RANBP2: variants seen among roughly 807,000 people sequenced by gnomAD.
RANBP2 encodes the protein RAN binding protein 2.
Under a neutral mutation model 303.6 loss-of-function variants are expected in RANBP2, and 57 were observed. That is an observed-to-expected ratio of 0.19 (90% CI 0.15 to 0.23). The LOEUF (loss-of-function observed/expected upper bound fraction) is 0.23, where lower values mean the gene tolerates loss of function less well. Among genes scored for constraint, RANBP2 ranks in the 10% least tolerant of loss-of-function variants. The pLI is 1.00. For synonymous variants in RANBP2, 1,167 were observed against 1,301.5 expected (o/e 0.90, Z 2.23); for missense variants, 3,138 against 3,780.8 (o/e 0.83, Z 4.46).
chr2:109,450,311 A>G, the RANBP2 span, among the ~76,000 whole-genome samples: 1 of 151,844 alleles, frequency 6.6e-6, no homozygotes, highest in Non-Finnish European at 1.5e-5. Context: ...GTGCCACTGC[A>G]CTCCAGCCTG....
At chr2:109,448,383 C>T in the RANBP2 span, among the ~76,000 whole-genome samples, 1 of 152,234 alleles carries the variant, frequency 6.6e-6, no homozygotes, top group Admixed American at 6.5e-5. Context: ...CTGTTAGGAA[C>T]TGGGCTGCAC....
the RANBP2 span, among the ~76,000 whole-genome samples, chr2:109,635,459 A>G: frequency 6.6e-6 from 1 of 152,236 alleles, no homozygotes; most frequent in Admixed American, 6.5e-5. Flanking sequence ...CTGGGATTAC[A>G]GATGTGAGCC....
chr2:109,696,153 T>C, the RANBP2 span, among the ~76,000 whole-genome samples: 2 of 151,920 alleles, frequency 1.3e-5, no homozygotes, highest in Non-Finnish European at 2.9e-5. Flanking sequence ...TTAGTAGAGA[T>C]GGGGTTTCAC....
At chr2:109,431,707 A>G in the RANBP2 span, among the ~76,000 whole-genome samples, 1 of 152,172 alleles carries the variant, frequency 6.6e-6, no homozygotes, top group Non-Finnish European at 1.5e-5. Flanking sequence ...CCCCATCTTT[A>G]CAAAAAATAA....
chr2:109,317,668 A>G, the RANBP2 span, among the ~76,000 whole-genome samples: 1 of 152,334 alleles, frequency 6.6e-6, no homozygotes, highest in African/African-American at 2.4e-5. Flanking sequence ...GACTTCAGGT[A>G]CATAAATATT....
the RANBP2 span, among the ~76,000 whole-genome samples, chr2:108,815,461 G>T: frequency 7.2e-4 from 51 of 70,738 alleles, no homozygotes; most frequent in South Asian, 2.0e-3. Context: ...GGTTTTTGGT[G>T]TTTTTTTTTT....
chr2:109,048,424 T>C, the RANBP2 span, among the ~76,000 whole-genome samples: 140,022 of 152,174 alleles, frequency 0.92, 64,667 homozygotes, highest in East Asian at 1. Context: ...CATGTGGAGT[T>C]TTGAGTCTTT....
the RANBP2 span, among the ~76,000 whole-genome samples, chr2:109,127,052 G>A: frequency 2.0e-5 from 3 of 152,128 alleles, no homozygotes; most frequent in African/African-American, 7.2e-5. Flanking sequence ...CCCTTCCTTC[G>A]GCCCTCAAGG....
chr2:109,363,169 G>T, the RANBP2 span, among the ~76,000 whole-genome samples: 1 of 151,728 alleles, frequency 6.6e-6, no homozygotes, highest in Non-Finnish European at 1.5e-5. Context: ...GTCTTTTGTG[G>T]TTTTTATTGA....
the RANBP2 span, among the ~76,000 whole-genome samples, chr2:109,561,487 A>G: frequency 1.3e-5 from 2 of 152,156 alleles, no homozygotes; most frequent in East Asian, 3.8e-4. Context: ...AATCTCTAGC[A>G]TTTAGCAGAG....
At chr2:109,285,572 C>T in the RANBP2 span, among the ~76,000 whole-genome samples, 62 of 152,308 alleles carry the variant, frequency 4.1e-4, no homozygotes, top group South Asian at 1.0e-3. Flanking sequence ...TGAGGTGGTG[C>T]GTCATGTTCT....
At chr2:109,763,428 A>G in the RANBP2 span, among the ~76,000 whole-genome samples, 1 of 150,348 alleles carries the variant, frequency 6.7e-6, no homozygotes, top group South Asian at 2.2e-4. Flanking sequence ...TTCAAAGCCC[A>G]GTGATCTGAC....
chr2:108,725,819 CT>C (rs59967536), intron 1 of RANBP2, among the ~76,000 whole-genome samples: 108 of 143,548 alleles, frequency 7.5e-4, no homozygotes, highest in Admixed American at 2.8e-3. Flanking sequence ...TGCTGTAGTT[CT>C]TTTTTTTTTT....
At chr2:109,448,511 T>C in the RANBP2 span, among the ~76,000 whole-genome samples, 2 of 152,104 alleles carry the variant, frequency 1.3e-5, no homozygotes, top group Non-Finnish European at 2.9e-5. Context: ...GGCATTAGGT[T>C]CTCATAGGAG....
At chr2:109,286,136 G>A in the RANBP2 span, among the ~76,000 whole-genome samples, 2 of 152,164 alleles carry the variant, frequency 1.3e-5, no homozygotes, top group Admixed American at 6.5e-5. Flanking sequence ...CTGGTGCTTT[G>A]TACCTGTGGA....
downstream of RANBP2, among the ~76,000 whole-genome samples, chr2:108,789,329 A>C (rs1679516384): frequency 6.6e-6 from 1 of 152,192 alleles, no homozygotes; most frequent in Non-Finnish European, 1.5e-5. Flanking sequence ...GCGGTGGCTC[A>C]CGCCTGTAAT....
At chr2:109,505,642 CT>C in the RANBP2 span, among the ~76,000 whole-genome samples, 2 of 152,330 alleles carry the variant, frequency 1.3e-5, no homozygotes, top group African/African-American at 4.8e-5. Flanking sequence ...CCGGACAAGG[CT>C]GTGTGGATAC....
At chr2:109,131,301 G>A in the RANBP2 span, among the ~76,000 whole-genome samples, 1 of 152,098 alleles carries the variant, frequency 6.6e-6, no homozygotes, top group Non-Finnish European at 1.5e-5. Flanking sequence ...GATAGTCACT[G>A]GGGGTCACTT....
intron 2 of RANBP2, among the ~76,000 whole-genome samples, chr2:108,729,763 T>A (rs1319757521): frequency 7.3e-5 from 11 of 150,706 alleles, no homozygotes; most frequent in Non-Finnish European, 1.3e-4. Context: ...TTGCTCAGGC[T>A]GGAGTGCAGC....
Sources: gnomAD v4.1 joint callset for allele counts (sites outside exome capture counted in the v4.1 genomes callset) on GRCh38, gnomAD v4.1.1 for gene constraint, MANE v1.5 for transcripts, NCBI Gene and HGNC (gene_info 2026-07-23, HGNC 2026-07-21) for gene names.